Variants in DNAH17 observed in about 807,000 individuals in gnomAD.
The protein encoded by DNAH17 is dynein axonemal heavy chain 17.
A neutral mutation model predicts 485.6 loss-of-function variants in DNAH17; 376 were observed. That is an observed-to-expected ratio of 0.77 (90% CI 0.71 to 0.84). The LOEUF (loss-of-function observed/expected upper bound fraction) is 0.84, where lower values mean the gene tolerates loss of function less well. DNAH17 is among the 40% of genes least tolerant of loss of function. The probability of loss-of-function intolerance (pLI) is 0.00; values close to 1 mark genes in which losing one functional copy is unlikely to be tolerated. For missense variants in DNAH17, 6,370 were observed against 5,839.3 expected, an observed-to-expected ratio of 1.09 and a Z score of -2.96; for synonymous variants, 3,031 against 2,405.9, an observed-to-expected ratio of 1.26 and a Z score of -7.60.
At chr17:78,527,113 T>A in intron 22 of DNAH17, 117 bp from the exon 23 acceptor site, 1 of 803,242 alleles carries the variant, frequency 1.2e-6, no homozygotes, top group Non-Finnish European at 1.9e-6. Context: ...GCCGGCGCGG[T>A]GGCTCACACC....
rs745315900 is a variant in DNAH17, at chr17:78,462,934, C to T, written c.9084G>A (p.Gln3028=). The change falls in exon 57 of 81, where the codon CAG becomes CAA. Residue 3028 remains glutamine, a synonymous_variant. Coordinates refer to ENST00000389840, the MANE Select transcript of DNAH17 (RefSeq NM_173628.4). ...CCGTTCTCTTCTTGGCCAGCAGGTT[C>T]TGGTACAGTTTGATCTGCTCCAGAA... ...KTFLEQIKLY[Q]NLLAKKRTEL... 6.2e-6 allele frequency: 10 copies of T among 1,614,022 alleles called. No homozygotes were observed. Among genetic ancestry groups the T allele is most frequent in the Non-Finnish European group, 8.5e-6 (10 of 1,179,898 alleles).
chr17:78,492,776 T>A lies in DNAH17; in HGVS notation c.6409-11A>T, dbSNP rs1568146903. ...GAGGGATTTGAGGACCTGGCGAAGG[T>A]GGGGGTCACTCACGTGTGACTCCAT... On this transcript the variant is annotated splice_polypyrimidine_tract_variant and intron_variant, in intron 41 of 80. Coordinates refer to ENST00000389840, the MANE Select transcript of DNAH17 (RefSeq NM_173628.4). 6.2e-7 allele frequency: 1 copy of A among 1,606,240 alleles called. No homozygotes were observed. The highest frequency in any genetic ancestry group is 1.1e-5 in the South Asian group (1 of 90,170).
intron 6 of DNAH17, 69 bp downstream of exon 6, chr17:78,570,879 G>GA (rs1186425349): frequency 2.1e-6 from 1 of 484,774 alleles, no homozygotes; most frequent in Non-Finnish European, 3.2e-6. Flanking sequence ...AAAAAAAAAA[G>GA]AAAAAAGAAA....
chr17:78,552,260 G>A (rs144657141), intron 15 of DNAH17, among the ~76,000 whole-genome samples: 13 of 152,330 alleles, frequency 8.5e-5, no homozygotes, highest in African/African-American at 3.1e-4. Context: ...GGGGCCTTCT[G>A]CCTCGTCCAG....
chr17:78,428,482 C>A (rs1357423528), intron 77 of DNAH17, 43 bp downstream of exon 77: 2 of 1,554,598 alleles, frequency 1.3e-6, no homozygotes, highest in East Asian at 2.4e-5. Context: ...AGTTCTAGAT[C>A]CTCCCCCTTC....
rs577134121 is a variant in DNAH17 at position 78,461,524 on chromosome 17, G to A, written c.9339+20C>T. The A allele has an allele frequency of 5.2e-6, 8 of 1,547,156 alleles. No individual in the cohort carries two copies. Among genetic ancestry groups the A allele is most frequent in the South Asian group, 3.6e-5 (3 of 82,500 alleles). On this transcript the variant is annotated intron_variant, in intron 58 of 80. Coordinates refer to ENST00000389840, the MANE Select transcript of DNAH17 (RefSeq NM_173628.4). ...AGTGCAGCAGCCTTCCTGAAGGCACGCTGGGCTGCCTTCACCTACCTTATT... is the reference window on the plus strand; with the variant it reads ...AGTGCAGCAGCCTTCCTGAAGGCACACTGGGCTGCCTTCACCTACCTTATT...
chr17:78,494,931 C>T (rs1266144769), intron 39 of DNAH17, 28 bp downstream of exon 39: 3 of 1,598,284 alleles, frequency 1.9e-6, no homozygotes, highest in Non-Finnish European at 2.6e-6. Context: ...CCCACCCACA[C>T]CCGCCGTGAG....
chr17:78,555,679 CTG>C lies in DNAH17; in HGVS notation c.2178+2427_2178+2428del, dbSNP rs150175754. ...CGCGAGGGTTAATTTGTCAACAGGA[CTG>C]TGCCACAGGGTGCCCAGATTAAACA... On this transcript the variant is annotated intron_variant, in intron 14 of 80. Coordinates refer to ENST00000389840, the MANE Select transcript of DNAH17 (RefSeq NM_173628.4). 3.7e-3 allele frequency among the ~76,000 whole-genome samples: 568 copies of C among 151,786 alleles called. 5 individuals are homozygous for C. Among genetic ancestry groups the C allele is most frequent in the African/African-American group, 0.013 (542 of 41,362 alleles).
intron 67 of DNAH17, 139 bp downstream of exon 67, chr17:78,450,543 C>A (rs1194860514): frequency 2.1e-6 from 3 of 1,416,870 alleles, no homozygotes; most frequent in Non-Finnish European, 1.9e-6. Flanking sequence ...GCCCAGACCC[C>A]TTCTCCTGCC....
chr17:78,495,935 G>C lies in DNAH17; in HGVS notation c.5843C>G (p.Thr1948Ser). Residue 1948 changes from threonine (T) to serine (S), a missense_variant, in exon 38 of 81, where the codon ACC (threonine) becomes AGC (serine). Physicochemically the swap from Thr to Ser is moderately conservative, Grantham distance 58. Coordinates refer to ENST00000389840, the MANE Select transcript of DNAH17 (RefSeq NM_173628.4). Reference protein sequence around the residue: ...GLIPTVGIFITMNPGYAGRAE... With the variant: ...GLIPTVGIFISMNPGYAGRAE... ...GCGTCCGGCGTACCCAGGGTTCATG[G>C]TGATGAAGATACCGACGGTGGGAAT... 1 of 1,613,992 alleles carries C rather than the reference G, an allele frequency of 6.2e-7. No individual in the cohort carries two copies. The highest frequency in any genetic ancestry group is 2.2e-5 in the East Asian group (1 of 44,888).
chr17:78,491,296 C>G, intron 43 of DNAH17, 147 bp downstream of exon 43: 4 of 1,190,430 alleles, frequency 3.4e-6, no homozygotes, highest in Non-Finnish European at 4.6e-6. Context: ...AGGTGCCCCT[C>G]ACTCATAGCT....
intron 16 of DNAH17, among the ~76,000 whole-genome samples, chr17:78,544,323 G>A (rs61610823): frequency 4.6e-5 from 7 of 152,298 alleles, no homozygotes; most frequent in African/African-American, 9.6e-5. Flanking sequence ...TTAGGGGGAC[G>A]GAAGGACCCG....
At chr17:78,465,200 G>C (rs1004555970) in intron 56 of DNAH17, among the ~76,000 whole-genome samples, 1 of 152,224 alleles carries the variant, frequency 6.6e-6, no homozygotes, top group African/African-American at 2.4e-5. Context: ...CCGAGGTGCC[G>C]GGATTGCAGA....
At chr17:78,487,184 A>G (rs2089649645) in intron 44 of DNAH17, among the ~76,000 whole-genome samples, 1 of 152,164 alleles carries the variant, frequency 6.6e-6, no homozygotes, top group Non-Finnish European at 1.5e-5. Flanking sequence ...CTGACTGCCC[A>G]GGCTTGAGTC....
At chr17:78,430,905 G>A (rs79731427) in intron 75 of DNAH17, among the ~76,000 whole-genome samples, 3,070 of 151,938 alleles carry the variant, frequency 0.02, 91 homozygotes, top group African/African-American at 0.069. Context: ...TTTTTAGACA[G>A]GATCTTGTTC....
intron 24 of DNAH17, among the ~76,000 whole-genome samples, chr17:78,526,321 A>C (rs1249580722): frequency 6.6e-6 from 1 of 152,112 alleles, no homozygotes; most frequent in African/African-American, 2.4e-5. Flanking sequence ...AACAGAGTGG[A>C]GATTAGGGGG....
chr17:78,539,746 C>T lies in DNAH17; in HGVS notation c.2667G>A (p.Met889Ile), dbSNP rs2091471201. Residue 889 changes from methionine (M) to isoleucine (I), a missense_variant, in exon 18 of 81, where the codon ATG becomes ATA. Physicochemically the swap from Met to Ile is conservative, Grantham distance 10. Coordinates refer to ENST00000389840, the MANE Select transcript of DNAH17 (RefSeq NM_173628.4). The part of the protein sequence containing the change: ...RKSLSFLMDN[M>I]VIDESIAPLF... ...TATGTTGATAACTTACATCTATAAC[C>T]ATGTTGTCCATTAGGAAACTCAGAG... 2 of 1,609,560 alleles carry T rather than the reference C, an allele frequency of 1.2e-6. No homozygotes were observed. Among genetic ancestry groups the T allele is most frequent in the East Asian group, 4.5e-5 (2 of 44,814 alleles).
chr17:78,450,938 G>A, intron 66 of DNAH17, 92 bp from the exon 67 acceptor site: 1 of 1,511,052 alleles, frequency 6.6e-7, no homozygotes, highest in Non-Finnish European at 9.0e-7. Flanking sequence ...CTGAGCCAAG[G>A]CCCAGGCTTT....
At chr17:78,467,865 A>G (rs950507734) in intron 55 of DNAH17, among the ~76,000 whole-genome samples, 8 of 152,142 alleles carry the variant, frequency 5.3e-5, no homozygotes, top group African/African-American at 1.9e-4. Flanking sequence ...TAAAAATAAA[A>G]AATTTAGCCA....
Sources: gnomAD v4.1 joint callset for allele counts (sites outside exome capture counted in the v4.1 genomes callset) on GRCh38, gnomAD v4.1.1 for gene constraint, MANE v1.5 for transcripts, NCBI Gene and HGNC (gene_info 2026-07-23, HGNC 2026-07-21) for gene names.